Variants in GTF2A1L observed in about 807,000 individuals in gnomAD.
GTF2A1L encodes the protein general transcription factor IIA subunit 1 like, also known as TFIIA-alpha and beta-like factor.
Under a neutral mutation model 49.7 loss-of-function variants are expected in GTF2A1L, and 48 were observed. The observed-to-expected ratio is 0.97, with a 90% CI of 0.77 to 1.23. The LOEUF (loss-of-function observed/expected upper bound fraction) is 1.23. GTF2A1L is among the 50% of genes most tolerant of loss of function. The pLI is 0.00. For synonymous variants in GTF2A1L, 246 were observed against 193.5 expected, an observed-to-expected ratio of 1.27 and a Z score of -2.25; for missense variants, 736 against 564.8, an observed-to-expected ratio of 1.30 and a Z score of -3.07.
chr2:48,658,702 T>G (rs776697428), intron 6 of GTF2A1L, among the ~76,000 whole-genome samples: 5 of 152,150 alleles, frequency 3.3e-5, no homozygotes, highest in Non-Finnish European at 7.4e-5. Flanking sequence ...AGTTTCAATT[T>G]CTTTCTGTTT....
chr2:48,622,086 G>C (rs1196370635), intron 3 of GTF2A1L, among the ~76,000 whole-genome samples: 1 of 152,128 alleles, frequency 6.6e-6, no homozygotes. Flanking sequence ...ATTTTGGATT[G>C]GATTATCAGT....
intron 6 of GTF2A1L, among the ~76,000 whole-genome samples, chr2:48,652,123 A>G (rs1473929740): frequency 1.3e-5 from 2 of 152,180 alleles, no homozygotes; most frequent in African/African-American, 2.4e-5. Flanking sequence ...TGTAATTTTA[A>G]TCCTCTCCCA....
chr2:48,654,939 C>G (rs1399373482), intron 6 of GTF2A1L, among the ~76,000 whole-genome samples: 1 of 152,106 alleles, frequency 6.6e-6, no homozygotes, highest in Non-Finnish European at 1.5e-5. Context: ...GTGTGAATCT[C>G]TCAAATTTGT....
intron 6 of GTF2A1L, among the ~76,000 whole-genome samples, chr2:48,656,842 C>T (rs912353116): frequency 5.3e-5 from 8 of 152,068 alleles, no homozygotes; most frequent in African/African-American, 1.7e-4. Context: ...TTATCTTTAG[C>T]TCTTTGATCC....
Position 48,679,488 on chromosome 2 carries a change from A to G in GTF2A1L, c.*46A>G, listed in dbSNP as rs775167119. On this transcript the variant is annotated 3_prime_UTR_variant, in exon 9 of 9. Transcript: ENST00000403751. ...CTATTTTGTGAACATCAGTTGGATT[A>G]TATTGCATATTGTGAATTCATTTTT... 6.3e-6 allele frequency: 10 copies of G among 1,599,226 alleles called. No homozygotes were observed. Among genetic ancestry groups the G allele is most frequent in the South Asian group, 2.3e-5 (2 of 87,840 alleles).
At chr2:48,660,994 A>C (rs1678462962) in intron 6 of GTF2A1L, among the ~76,000 whole-genome samples, 1 of 152,086 alleles carries the variant, frequency 6.6e-6, no homozygotes, top group Non-Finnish European at 1.5e-5. Flanking sequence ...CTAGTTATAA[A>C]GGTTTATCAA....
intron 1 of GTF2A1L, 106 bp downstream of exon 1, chr2:48,618,001 C>A: frequency 8.7e-7 from 1 of 1,154,188 alleles, no homozygotes; most frequent in South Asian, 1.5e-5. Context: ...TACAGATTGT[C>A]ATAAACCCTC....
intron 1 of GTF2A1L, among the ~76,000 whole-genome samples, chr2:48,620,360 A>G (rs905645198): frequency 4.6e-5 from 7 of 152,248 alleles, no homozygotes; most frequent in Non-Finnish European, 1.0e-4. Flanking sequence ...AACACAGTTT[A>G]TGGAAAGCTA....
chr2:48,618,018 C>T, intron 1 of GTF2A1L, 123 bp downstream of exon 1: 12 of 996,510 alleles, frequency 1.2e-5, no homozygotes, highest in Non-Finnish European at 1.8e-5. Context: ...CCTCTCTCTT[C>T]CTTAGGGGCT....
chr2:48,637,152 C>T (rs577680099), intron 3 of GTF2A1L, among the ~76,000 whole-genome samples: 17 of 152,172 alleles, frequency 1.1e-4, no homozygotes, highest in East Asian at 3.9e-4. Context: ...TATGCTAATG[C>T]GTATTCACAA....
chr2:48,661,247 CTTTTTTTTT>C (rs70946820), intron 6 of GTF2A1L, among the ~76,000 whole-genome samples: 10 of 62,746 alleles, frequency 1.6e-4, no homozygotes, highest in African/African-American at 4.6e-4. Context: ...CATCCCCAAA[CTTTTTTTTT>C]TTTTTTTTTT....
chr2:48,658,060 ACT>A (rs1240622204), intron 6 of GTF2A1L, among the ~76,000 whole-genome samples: 4 of 151,968 alleles, frequency 2.6e-5, no homozygotes, highest in Non-Finnish European at 5.9e-5. Flanking sequence ...TAGATTGTTC[ACT>A]CTGTTGATAG....
At chr2:48,673,563 C>T (rs953608066) in intron 8 of GTF2A1L, among the ~76,000 whole-genome samples, 6 of 151,842 alleles carry the variant, frequency 4.0e-5, no homozygotes, top group African/African-American at 1.2e-4. Flanking sequence ...GGGGTTTCAC[C>T]GTGTTAGCCA....
chr2:48,665,260 T>G (rs1432246576), intron 6 of GTF2A1L, among the ~76,000 whole-genome samples: 1 of 151,510 alleles, frequency 6.6e-6, no homozygotes, highest in Admixed American at 6.6e-5. Flanking sequence ...AAGAATGGAC[T>G]TTTGACCTTA....
At chr2:48,674,859 A>G (rs1679381138) in intron 8 of GTF2A1L, among the ~76,000 whole-genome samples, 1 of 152,156 alleles carries the variant, frequency 6.6e-6, no homozygotes, top group African/African-American at 2.4e-5. Flanking sequence ...ACTGCTAACA[A>G]ATCTAGTATC....
intron 4 of GTF2A1L, among the ~76,000 whole-genome samples, chr2:48,643,328 C>G (rs1354031430): frequency 6.6e-6 from 1 of 152,124 alleles, no homozygotes; most frequent in Non-Finnish European, 1.5e-5. Context: ...TTTTATCTTT[C>G]TTCCATGGTA....
intron 1 of GTF2A1L, among the ~76,000 whole-genome samples, chr2:48,619,134 C>A (rs560538821): frequency 1.2e-4 from 18 of 152,082 alleles, no homozygotes; most frequent in African/African-American, 4.3e-4. Context: ...ATAGGTTTAC[C>A]CTGGGTCTTT....
chr2:48,617,962 C>T (rs1230251613), intron 1 of GTF2A1L, 67 bp downstream of exon 1: 2 of 1,477,532 alleles, frequency 1.4e-6, no homozygotes, highest in Non-Finnish European at 1.8e-6. Flanking sequence ...GCAGCCGAAC[C>T]CTGCACCTTT....
chr2:48,653,920 C>CAAAAAAAAAAA (rs70946819), intron 6 of GTF2A1L, among the ~76,000 whole-genome samples: 8 of 108,650 alleles, frequency 7.4e-5, no homozygotes, highest in African/African-American at 3.2e-4. Flanking sequence ...GACTGTGTCT[C>CAAAAAAAAAAA]AAAAAAAAAA....
Sources: gnomAD v4.1 joint callset for allele counts (sites outside exome capture counted in the v4.1 genomes callset) on GRCh38, gnomAD v4.1.1 for gene constraint, MANE v1.5 for transcripts, NCBI Gene and HGNC (gene_info 2026-07-23, HGNC 2026-07-21) for gene names.